Variants in PRKG1 observed in about 807,000 individuals in gnomAD.
PRKG1 encodes the protein cGMP-dependent protein kinase 1.
In PRKG1, 35 loss-of-function variants were observed where a neutral mutation model predicts 88.1. The ratio of observed to expected loss-of-function variants is 0.40; its 90% CI spans 0.30 to 0.53. The LOEUF (loss-of-function observed/expected upper bound fraction) is 0.53. PRKG1 is among the 20% of genes least tolerant of loss of function. PRKG1 has a pLI of 0.59. For synonymous variants in PRKG1, 303 were observed against 292.5 expected (o/e 1.04, Z -0.37); for missense variants, 540 against 839.8 (o/e 0.64, Z 4.41).
chr10:51,889,487 C>T (rs904513324), intron 4 of PRKG1, among the ~76,000 whole-genome samples: 1 of 152,028 alleles, frequency 6.6e-6, no homozygotes, highest in African/African-American at 2.4e-5. Flanking sequence ...GGTTCCAAGT[C>T]TTTGCTATTG....
rs58734959 is a variant in PRKG1 at position 51,934,254 on chromosome 10, A to ACCCC, written c.762+26691_762+26694dup. On this transcript the variant is annotated intron_variant, in intron 5 of 17. Transcript: ENST00000373980. The stretch of plus-strand genomic sequence containing the variant: ...GTTGTGTGCATGATTACACACACAT[A>ACCCC]CCCCCCCCCCAACACCGCCCACACA... Among the ~76,000 whole-genome samples, 212 of 143,810 alleles carry ACCCC rather than the reference A, an allele frequency of 1.5e-3. 1 individual carries two copies. The highest frequency in any genetic ancestry group is 5.3e-3 in the African/African-American group (206 of 38,930). The allele number at this position is 143,810 out of a possible 152,430, so 94.3% of individuals were successfully genotyped here.
At chr10:51,411,881 G>C (rs984708910) in intron 2 of PRKG1, among the ~76,000 whole-genome samples, 3 of 152,072 alleles carry the variant, frequency 2.0e-5, no homozygotes, top group Non-Finnish European at 4.4e-5. Flanking sequence ...GAGGATTGTG[G>C]CTGGAAAACA....
chr10:51,164,823 T>C (rs1846484512), intron 2 of PRKG1, among the ~76,000 whole-genome samples: 1 of 151,508 alleles, frequency 6.6e-6, no homozygotes, highest in Non-Finnish European at 1.5e-5. Flanking sequence ...ATGAATGAAA[T>C]GAAGTGAGAA....
intron 2 of PRKG1, among the ~76,000 whole-genome samples, chr10:51,240,604 G>A (rs1387260156): frequency 6.6e-6 from 1 of 152,140 alleles, no homozygotes; most frequent in Non-Finnish European, 1.5e-5. Flanking sequence ...TGTATTCACA[G>A]GACAAATGTT....
intron 2 of PRKG1, among the ~76,000 whole-genome samples, chr10:51,357,850 T>C (rs1189306): frequency 0.037 from 5,686 of 152,060 alleles, 365 homozygotes; most frequent in African/African-American, 0.13. Context: ...GAAATATGCT[T>C]TAATATTTGG....
intron 7 of PRKG1, among the ~76,000 whole-genome samples, chr10:52,080,005 A>G (rs533709703): frequency 6.6e-6 from 1 of 152,268 alleles, no homozygotes; most frequent in East Asian, 1.9e-4. Flanking sequence ...ACTTTGTTAT[A>G]TCCCAGTGCC....
At chr10:51,133,915 T>A (rs1431313869) in intron 1 of PRKG1, among the ~76,000 whole-genome samples, 1 of 152,196 alleles carries the variant, frequency 6.6e-6, no homozygotes, top group African/African-American at 2.4e-5. Flanking sequence ...ACATTGTATC[T>A]CTTCTCTTCC....
At chr10:51,820,123 C>T (rs1366061517) in intron 4 of PRKG1, among the ~76,000 whole-genome samples, 1 of 152,012 alleles carries the variant, frequency 6.6e-6, no homozygotes, top group African/African-American at 2.4e-5. Context: ...ATGTCAGATA[C>T]CTACTGATAG....
At chr10:51,993,325 T>A (rs1564742970) in intron 5 of PRKG1, among the ~76,000 whole-genome samples, 1 of 151,656 alleles carries the variant, frequency 6.6e-6, no homozygotes, top group African/African-American at 2.4e-5. Flanking sequence ...AACTTCTCAT[T>A]AAAAAAAATA....
chr10:52,239,938 T>C (rs1308212068), intron 9 of PRKG1, among the ~76,000 whole-genome samples: 1 of 152,172 alleles, frequency 6.6e-6, no homozygotes, highest in East Asian at 1.9e-4. Context: ...AATATTATAG[T>C]CATCTCAATA....
chr10:51,029,628 G>A (rs539765869), intron 1 of PRKG1, among the ~76,000 whole-genome samples: 24 of 152,248 alleles, frequency 1.6e-4, no homozygotes, highest in Non-Finnish European at 3.2e-4. Context: ...TCAAAAATTA[G>A]GTTCCAGTCC....
chr10:51,909,320 C>A (rs147020433), intron 5 of PRKG1: 26 of 152,210 alleles, frequency 1.7e-4, no homozygotes, highest in Admixed American at 1.6e-3. Flanking sequence ...TATTGGCTAT[C>A]TGAATATCAT....
intron 3 of PRKG1, among the ~76,000 whole-genome samples, chr10:51,727,149 G>T (rs572372388): frequency 1.3e-5 from 2 of 151,566 alleles, no homozygotes; most frequent in Admixed American, 6.6e-5. Context: ...GTCTTTTAAA[G>T]AATTTTTTAA....
chr10:51,671,747 C>T (rs538289439), intron 3 of PRKG1, among the ~76,000 whole-genome samples: 22 of 152,168 alleles, frequency 1.4e-4, no homozygotes, highest in Non-Finnish European at 2.6e-4. Flanking sequence ...CCACCATGCC[C>T]AGCTAATTTT....
intron 3 of PRKG1, among the ~76,000 whole-genome samples, chr10:51,487,905 A>C (rs1840594409): frequency 6.6e-6 from 1 of 152,204 alleles, no homozygotes; most frequent in Non-Finnish European, 1.5e-5. Flanking sequence ...ATGATGACGA[A>C]GAAACAACTG....
At chr10:51,372,512 A>G (rs1046433013) in intron 2 of PRKG1, among the ~76,000 whole-genome samples, 27 of 152,114 alleles carry the variant, frequency 1.8e-4, no homozygotes, top group Admixed American at 5.9e-4. Flanking sequence ...TACTTGCTTT[A>G]ACACTGTCTA....
intron 1 of PRKG1, among the ~76,000 whole-genome samples, chr10:51,091,025 C>CA: frequency 6.6e-6 from 1 of 152,166 alleles, no homozygotes; most frequent in East Asian, 1.9e-4. Flanking sequence ...GATGTCTTTT[C>CA]AAAAACAATA....
chr10:51,153,095 CT>C, intron 1 of PRKG1, 68 bp from the exon 2 acceptor site: 2 of 1,461,822 alleles, frequency 1.4e-6, no homozygotes, highest in South Asian at 2.6e-5. Flanking sequence ...CTCTATGGCG[CT>C]GCTAAACCTC....
chr10:51,913,970 C>G (rs568591368), intron 5 of PRKG1, among the ~76,000 whole-genome samples: 4 of 152,118 alleles, frequency 2.6e-5, no homozygotes, highest in Non-Finnish European at 4.4e-5. Flanking sequence ...TGAGTCTATT[C>G]TGAGAGTCTA....
Sources: allele counts gnomAD v4.1 joint callset (sites outside exome capture counted in the v4.1 genomes callset), GRCh38; gene constraint gnomAD v4.1.1; transcripts MANE v1.5; gene names NCBI Gene and HGNC (gene_info 2026-07-23, HGNC 2026-07-21).